Variants in MTUS2 observed in about 807,000 individuals in gnomAD.
MTUS2 encodes the protein microtubule associated scaffold protein 2.
In MTUS2, 40 loss-of-function variants were observed where a neutral mutation model predicts 114.1. That is an observed-to-expected ratio of 0.35 (90% CI 0.27 to 0.46). MTUS2 has a LOEUF of 0.46. Ranked by LOEUF, MTUS2 falls within the 20% of genes least tolerant of loss-of-function variation. MTUS2 has a pLI of 1.00. For synonymous variants in MTUS2, 688 were observed against 672.0 expected (o/e 1.02, Z -0.37); for missense variants, 1,679 against 1,705.4 (o/e 0.98, Z 0.27).
intron 2 of MTUS2, among the ~76,000 whole-genome samples, chr13:28,969,280 C>G (rs1218366556): frequency 1.3e-5 from 2 of 151,760 alleles, no homozygotes; most frequent in African/African-American, 4.8e-5. Context: ...TTTTTAATTG[C>G]CAAAGAATAA....
intron 5 of MTUS2, among the ~76,000 whole-genome samples, chr13:29,178,417 G>T (rs1205022013): frequency 2.6e-5 from 4 of 151,982 alleles, no homozygotes; most frequent in African/African-American, 9.7e-5. Flanking sequence ...GATATTCTAT[G>T]AATTGCAGAA....
At chr13:28,861,444 T>TTC (rs1876976746) in intron 2 of MTUS2, among the ~76,000 whole-genome samples, 1 of 151,024 alleles carries the variant, frequency 6.6e-6, no homozygotes, top group Non-Finnish European at 1.5e-5. Context: ...TTTTTCTTTT[T>TTC]TTTTTTTTTT....
intron 5 of MTUS2, among the ~76,000 whole-genome samples, chr13:29,168,969 T>G (rs1212307250): frequency 6.6e-6 from 1 of 151,440 alleles, no homozygotes; most frequent in Non-Finnish European, 1.5e-5. Context: ...ACAGGTCAAC[T>G]CTGCCCTTAT....
intron 9 of MTUS2, among the ~76,000 whole-genome samples, chr13:29,457,142 A>T (rs1164652533): frequency 1.7e-5 from 2 of 117,086 alleles, no homozygotes; most frequent in African/African-American, 7.7e-5. Context: ...GACTCCATTC[A>T]AAAAAAAAAA....
At chr13:29,412,660 CA>C (rs1468162090) in intron 8 of MTUS2, among the ~76,000 whole-genome samples, 1 of 152,050 alleles carries the variant, frequency 6.6e-6, no homozygotes, top group Non-Finnish European at 1.5e-5. Flanking sequence ...GAGGCTGAGA[CA>C]GGGGGATTGC....
At chr13:29,243,766 G>T (rs559369332) in intron 5 of MTUS2, among the ~76,000 whole-genome samples, 5 of 152,150 alleles carry the variant, frequency 3.3e-5, no homozygotes, top group African/African-American at 1.2e-4. Flanking sequence ...AAAGCAGTTG[G>T]GGGGATGCCG....
intron 6 of MTUS2, among the ~76,000 whole-genome samples, chr13:29,302,240 C>T (rs558304083): frequency 6.6e-6 from 1 of 152,180 alleles, no homozygotes; most frequent in South Asian, 2.1e-4. Flanking sequence ...GACAGCCCAC[C>T]CAGGAGTGGC....
chr13:29,314,615 C>T (rs934133696), intron 6 of MTUS2, among the ~76,000 whole-genome samples: 1 of 152,164 alleles, frequency 6.6e-6, no homozygotes, highest in East Asian at 1.9e-4. Context: ...AAACATGTTA[C>T]TTATATCTAT....
chr13:29,435,453 C>T (rs944261569), intron 8 of MTUS2, among the ~76,000 whole-genome samples: 2 of 152,160 alleles, frequency 1.3e-5, no homozygotes, highest in African/African-American at 2.4e-5. Context: ...TGTCATCACC[C>T]AGACCAGGCA....
At chr13:29,287,266 A>G (rs1898529109) in intron 6 of MTUS2, among the ~76,000 whole-genome samples, 2 of 152,182 alleles carry the variant, frequency 1.3e-5, no homozygotes, top group Non-Finnish European at 2.9e-5. Flanking sequence ...AATAGATTGC[A>G]TGTGTGTGAA....
chr13:28,894,327 A>T (rs1409633984), intron 2 of MTUS2, among the ~76,000 whole-genome samples: 1 of 7,724 alleles, frequency 1.3e-4, no homozygotes, highest in Non-Finnish European at 2.3e-4. Context: ...GGAGGGAGGG[A>T]GGGAGAGAGA....
chr13:29,351,942 T>A (rs1028507412), intron 7 of MTUS2, among the ~76,000 whole-genome samples: 3 of 152,136 alleles, frequency 2.0e-5, no homozygotes, highest in Non-Finnish European at 4.4e-5. Flanking sequence ...GATAGATATG[T>A]CCTGTTCCTT....
chr13:28,847,389 C>G (rs1243386229), intron 2 of MTUS2, among the ~76,000 whole-genome samples: 1 of 152,048 alleles, frequency 6.6e-6, no homozygotes, highest in Non-Finnish European at 1.5e-5. Flanking sequence ...TTGGATTTCT[C>G]AGTGCAAAGG....
intron 13 of MTUS2, 89 bp from the exon 14 acceptor site, chr13:29,498,329 G>A: frequency 6.4e-7 from 1 of 1,570,500 alleles, no homozygotes; most frequent in Non-Finnish European, 8.7e-7. Context: ...TGTCCCAGGA[G>A]GATAGATTTA....
At chr13:28,852,846 T>A (rs1204153931) in intron 2 of MTUS2, among the ~76,000 whole-genome samples, 1 of 152,018 alleles carries the variant, frequency 6.6e-6, no homozygotes, top group Non-Finnish European at 1.5e-5. Flanking sequence ...GCCTCTATCT[T>A]AAATACGTAC....
rs188794597 is a variant in MTUS2 at position 29,117,859 on chromosome 13, C to T, written c.2644+16889C>T. The stretch of plus-strand genomic sequence containing the variant: ...GTGAGGTGTGCCTGTAAGGTTGGCG[C>T]CAACACAGGAGACTTCTGTTGCCAC... On this transcript the variant is annotated intron_variant, in intron 5 of 15. Coordinates refer to ENST00000612955, the MANE Select transcript of MTUS2 (RefSeq NM_001033602.4). 3.9e-5 allele frequency among the ~76,000 whole-genome samples: 6 copies of T among 152,206 alleles called. No homozygotes were observed. The East Asian group carries it at 1.2e-3, about 29-fold the overall frequency.
intron 5 of MTUS2, among the ~76,000 whole-genome samples, chr13:29,172,423 G>A (rs1593556140): frequency 6.6e-6 from 1 of 152,326 alleles, no homozygotes; most frequent in South Asian, 2.1e-4. Flanking sequence ...TGGCCTCTGA[G>A]AAGAAAACTT....
At position 29,503,259 on chromosome 13, in the gene MTUS2, C is replaced by G; in HGVS notation, c.*53C>G. 1 of 1,596,996 alleles carries G rather than the reference C, an allele frequency of 6.3e-7. No homozygotes were observed. The highest frequency in any genetic ancestry group is 8.5e-7 in the Non-Finnish European group (1 of 1,171,086). Reference sequence around the variant, plus strand: ...GGCTTCTCGTCCTCCGGTCTCCACCCTGAGGGAGCACCGACCCGGTGCCGC... The same window carrying G: ...GGCTTCTCGTCCTCCGGTCTCCACCGTGAGGGAGCACCGACCCGGTGCCGC... On this transcript the variant is annotated 3_prime_UTR_variant, in exon 16 of 16. Coordinates refer to ENST00000612955, the MANE Select transcript of MTUS2 (RefSeq NM_001033602.4).
At chr13:29,309,354 C>T (rs1899639878) in intron 6 of MTUS2, among the ~76,000 whole-genome samples, 1 of 152,130 alleles carries the variant, frequency 6.6e-6, no homozygotes, top group Non-Finnish European at 1.5e-5. Context: ...ACCACATGTT[C>T]TCACTTATAA....
Sources: allele counts gnomAD v4.1 joint callset (sites outside exome capture counted in the v4.1 genomes callset), GRCh38; gene constraint gnomAD v4.1.1; transcripts MANE v1.5; gene names NCBI Gene and HGNC (gene_info 2026-07-23, HGNC 2026-07-21).